Variants in IGF1R observed in about 807,000 individuals in gnomAD.
IGF1R encodes the protein insulin-like growth factor 1 receptor.
IGF1R carries 44 observed loss-of-function variants against 144.6 expected under a neutral mutation model. The ratio of observed to expected loss-of-function variants is 0.30; its 90% CI spans 0.24 to 0.39. IGF1R has a LOEUF of 0.39. IGF1R is among the 10% of genes least tolerant of loss of function. IGF1R has a pLI of 1.00. For synonymous variants in IGF1R, 795 were observed against 722.8 expected, an observed-to-expected ratio of 1.10 and a Z score of -1.60; for missense variants, 1,355 against 1,833.7, an observed-to-expected ratio of 0.74 and a Z score of 4.77.
intron 2 of IGF1R, among the ~76,000 whole-genome samples, chr15:98,775,527 G>T (rs890866705): frequency 6.6e-6 from 1 of 152,116 alleles, no homozygotes; most frequent in African/African-American, 2.4e-5. Context: ...TCCTACCACT[G>T]CCACCACCAC....
intron 3 of IGF1R, among the ~76,000 whole-genome samples, chr15:98,895,322 AG>A (rs2014138389): frequency 6.6e-6 from 1 of 152,056 alleles, no homozygotes; most frequent in Non-Finnish European, 1.5e-5. Context: ...TAAACATTGG[AG>A]GAAGTTGGAT....
chr15:98,730,073 C>G (rs2040956238), intron 2 of IGF1R, among the ~76,000 whole-genome samples: 1 of 152,150 alleles, frequency 6.6e-6, no homozygotes, highest in African/African-American at 2.4e-5. Context: ...TAAATTCATC[C>G]CACTGGATGT....
At chr15:98,661,803 C>T (rs530941810) in intron 1 of IGF1R, among the ~76,000 whole-genome samples, 13 of 152,238 alleles carry the variant, frequency 8.5e-5, no homozygotes, top group African/African-American at 1.2e-4. Flanking sequence ...TCCAAGCTGC[C>T]CAGCAAACCT....
At chr15:98,651,441 G>T (rs2052364500) in intron 1 of IGF1R, among the ~76,000 whole-genome samples, 1 of 152,154 alleles carries the variant, frequency 6.6e-6, no homozygotes, top group Non-Finnish European at 1.5e-5. Flanking sequence ...GTGGTGGCTG[G>T]GGGGACAAAG....
chr15:98,770,008 CTG>C (rs1357193318), intron 2 of IGF1R, among the ~76,000 whole-genome samples: 3 of 151,984 alleles, frequency 2.0e-5, no homozygotes, highest in Admixed American at 2.0e-4. Flanking sequence ...TCCTTGTTCT[CTG>C]TAGATCTCCT....
At chr15:98,925,949 G>A (rs1341585407) in intron 13 of IGF1R, among the ~76,000 whole-genome samples, 1 of 152,068 alleles carries the variant, frequency 6.6e-6, no homozygotes, top group Non-Finnish European at 1.5e-5. Context: ...AATAGGTCCA[G>A]CAATCTCACT....
At chr15:98,751,865 T>G (rs1261171953) in intron 2 of IGF1R, among the ~76,000 whole-genome samples, 1 of 152,204 alleles carries the variant, frequency 6.6e-6, no homozygotes, top group Non-Finnish European at 1.5e-5. Flanking sequence ...TGTTTGGATA[T>G]ATGCTGTGGT....
chr15:98,726,712 A>ATTTTTTT (rs756622481), intron 2 of IGF1R, among the ~76,000 whole-genome samples: 52 of 93,068 alleles, frequency 5.6e-4, no homozygotes, highest in Non-Finnish European at 7.3e-4. Flanking sequence ...TACATTGATG[A>ATTTTTTT]TTTTTTTTTT....
chr15:98,649,734 C>T (rs2052301828), intron 1 of IGF1R, 59 bp downstream of exon 1: 1 of 1,341,826 alleles, frequency 7.5e-7, no homozygotes, highest in East Asian at 2.4e-5. Flanking sequence ...AGGGGCTGCG[C>T]CCTGTTTGCG....
chr15:98,802,331 C>T (rs566847989), intron 2 of IGF1R, among the ~76,000 whole-genome samples: 1 of 152,272 alleles, frequency 6.6e-6, no homozygotes, highest in Admixed American at 6.5e-5. Context: ...TGAGATGTAG[C>T]GATGGCTTGG....
chr15:98,825,700 A>G (rs761525113), intron 2 of IGF1R, among the ~76,000 whole-genome samples: 2 of 152,244 alleles, frequency 1.3e-5, no homozygotes, highest in Non-Finnish European at 2.9e-5. Flanking sequence ...GTTGGGGACC[A>G]CTACGTTAGA....
rs904571819 is a variant in IGF1R, at chr15:98,832,887, G to A, written c.641-58438G>A. On this transcript the variant is annotated intron_variant, in intron 2 of 20. Transcript: ENST00000650285. ...CCAATTTTTTTATTGTAAATAGTAC[G>A]TTACCAGCTTAATTGCTTTAGAACC... Among the ~76,000 whole-genome samples the A allele has an allele frequency of 2.0e-5, 3 of 152,150 alleles. 1 individual carries two copies. Among genetic ancestry groups the A allele is most frequent in the African/African-American group, 4.8e-5 (2 of 41,446 alleles).
At chr15:98,870,715 G>A (rs1041507742) in intron 2 of IGF1R, among the ~76,000 whole-genome samples, 2 of 152,192 alleles carry the variant, frequency 1.3e-5, no homozygotes, top group African/African-American at 4.8e-5. Context: ...GCTCAAGAGT[G>A]CCCATACCAG....
chr15:98,779,042 C>T (rs1389546666), intron 2 of IGF1R, among the ~76,000 whole-genome samples: 1 of 152,140 alleles, frequency 6.6e-6, no homozygotes, highest in Non-Finnish European at 1.5e-5. Context: ...ATGTTTTATT[C>T]TTACTAGCAT....
chr15:98,882,262 C>A (rs1407312251), intron 2 of IGF1R, among the ~76,000 whole-genome samples: 1 of 152,216 alleles, frequency 6.6e-6, no homozygotes. Flanking sequence ...CTCACTTCCC[C>A]TGCGTGTCAG....
intron 2 of IGF1R, among the ~76,000 whole-genome samples, chr15:98,715,041 C>T (rs2054081458): frequency 6.6e-6 from 1 of 152,156 alleles, no homozygotes; most frequent in African/African-American, 2.4e-5. Context: ...GAACTTGTCT[C>T]GGTTGCCCTG....
chr15:98,932,727 C>T (rs1273443747), intron 15 of IGF1R, among the ~76,000 whole-genome samples: 1 of 152,224 alleles, frequency 6.6e-6, no homozygotes, highest in Non-Finnish European at 1.5e-5. Context: ...CTGACAAGCA[C>T]CCGCCTCTTC....
At chr15:98,679,135 G>C (rs1397951918) in intron 1 of IGF1R, among the ~76,000 whole-genome samples, 1 of 151,798 alleles carries the variant, frequency 6.6e-6, no homozygotes, top group Non-Finnish European at 1.5e-5. Flanking sequence ...TGAACTCCTG[G>C]GATCAAGCGA....
intron 2 of IGF1R, among the ~76,000 whole-genome samples, chr15:98,802,181 G>A (rs769089821): frequency 6.6e-6 from 1 of 152,214 alleles, no homozygotes; most frequent in Non-Finnish European, 1.5e-5. Context: ...CTGTAGGTGC[G>A]AGAGGGAATG....
Sources: gnomAD v4.1 joint callset for allele counts (sites outside exome capture counted in the v4.1 genomes callset) on GRCh38, gnomAD v4.1.1 for gene constraint, MANE v1.5 for transcripts, NCBI Gene and HGNC (gene_info 2026-07-23, HGNC 2026-07-21) for gene names.